FHIT: variants seen among roughly 807,000 people sequenced by gnomAD.
FHIT encodes fragile histidine triad diadenosine triphosphatase.
FHIT carries 19 observed loss-of-function variants against 17.9 expected under a neutral mutation model. The observed-to-expected ratio is 1.06, with a 90% CI of 0.74 to 1.56. FHIT has a LOEUF of 1.56. Ranked by LOEUF, FHIT falls within the 40% of genes most tolerant of loss-of-function variation. FHIT has a pLI of 0.00. For synonymous variants in FHIT, 81 were observed against 69.7 expected, an observed-to-expected ratio of 1.16 and a Z score of -0.81; for missense variants, 248 against 189.2, an observed-to-expected ratio of 1.31 and a Z score of -1.82.
chr3:61,001,594 A>G (rs895732079), intron 3 of FHIT, among the ~76,000 whole-genome samples: 2 of 152,256 alleles, frequency 1.3e-5, no homozygotes, highest in African/African-American at 4.8e-5. Flanking sequence ...TATAGCATTC[A>G]TGAAATATGA....
intron 5 of FHIT, among the ~76,000 whole-genome samples, chr3:60,047,234 T>C (rs1701690228): frequency 6.6e-6 from 1 of 152,230 alleles, no homozygotes; most frequent in Admixed American, 6.5e-5. Context: ...AAATTAAAGA[T>C]ATGATAGAAT....
chr3:60,442,536 T>C (rs1420584017), intron 5 of FHIT, among the ~76,000 whole-genome samples: 1 of 152,206 alleles, frequency 6.6e-6, no homozygotes, highest in Non-Finnish European at 1.5e-5. Flanking sequence ...GGGAATCCTT[T>C]CCCCATTTCT....
intron 2 of FHIT, among the ~76,000 whole-genome samples, chr3:61,130,652 A>T (rs192075684): frequency 6.6e-6 from 1 of 152,246 alleles, no homozygotes; most frequent in Non-Finnish European, 1.5e-5. Flanking sequence ...CGAACACAGG[A>T]GCATGCCACA....
At chr3:60,795,237 T>A (rs909067231) in intron 4 of FHIT, among the ~76,000 whole-genome samples, 1 of 152,226 alleles carries the variant, frequency 6.6e-6, no homozygotes, top group South Asian at 2.1e-4. Flanking sequence ...TTTTCATTTT[T>A]AAATAGAATT....
chr3:60,361,565 T>C (rs369708253), intron 5 of FHIT, among the ~76,000 whole-genome samples: 2 of 152,162 alleles, frequency 1.3e-5, no homozygotes, highest in Admixed American at 6.6e-5. Context: ...GAAGATGCAA[T>C]GGCAACAGGT....
At chr3:60,598,635 C>T (rs533931734) in intron 4 of FHIT, among the ~76,000 whole-genome samples, 54 of 152,272 alleles carry the variant, frequency 3.5e-4, no homozygotes, top group African/African-American at 1.3e-3. Flanking sequence ...TAAACATCCT[C>T]GCATATTATC....
chr3:61,246,958 C>A (rs1339521646), intron 1 of FHIT, among the ~76,000 whole-genome samples: 10 of 152,064 alleles, frequency 6.6e-5, no homozygotes, highest in African/African-American at 2.2e-4. Flanking sequence ...GATTTTCATA[C>A]CCTAAGCACA....
At chr3:60,332,455 G>A (rs780078027) in intron 5 of FHIT, among the ~76,000 whole-genome samples, 4 of 152,180 alleles carry the variant, frequency 2.6e-5, no homozygotes, top group African/African-American at 4.8e-5. Flanking sequence ...GATTATGAAT[G>A]AAGAACGAGC....
intron 4 of FHIT, among the ~76,000 whole-genome samples, chr3:60,665,471 C>T (rs1435635111): frequency 6.6e-6 from 1 of 151,946 alleles, no homozygotes; most frequent in Non-Finnish European, 1.5e-5. Flanking sequence ...TTGGTATGTA[C>T]ATAAGATCAT....
intron 5 of FHIT, among the ~76,000 whole-genome samples, chr3:60,422,088 G>GCTGT (rs1176044281): frequency 6.6e-6 from 1 of 152,126 alleles, no homozygotes; most frequent in East Asian, 1.9e-4. Context: ...TTTCTGACCA[G>GCTGT]CTGTCAATTT....
At chr3:59,856,322 T>C (rs559070534) in intron 8 of FHIT, among the ~76,000 whole-genome samples, 1 of 152,094 alleles carries the variant, frequency 6.6e-6, no homozygotes, top group Non-Finnish European at 1.5e-5. Flanking sequence ...ATTGTTAAAA[T>C]TTTTTTTGCA....
chr3:60,895,638 T>C (rs1705751256), intron 3 of FHIT, among the ~76,000 whole-genome samples: 1 of 151,662 alleles, frequency 6.6e-6, no homozygotes, highest in African/African-American at 2.4e-5. Flanking sequence ...TCTCCCTTCT[T>C]TCCTTCCTTT....
At chr3:60,281,352 G>C (rs1365716425) in intron 5 of FHIT, among the ~76,000 whole-genome samples, 1 of 152,120 alleles carries the variant, frequency 6.6e-6, no homozygotes, top group Non-Finnish European at 1.5e-5. Flanking sequence ...AAAGTTCATA[G>C]AGAAGGGCTC....
chr3:60,448,645 C>T (rs1031425718), intron 5 of FHIT, among the ~76,000 whole-genome samples: 6 of 152,104 alleles, frequency 3.9e-5, no homozygotes, highest in Middle Eastern at 3.2e-3. Context: ...AGCTCTTAAC[C>T]GCATTGCTTT....
rs577604343 is a variant in FHIT, at chr3:60,902,963, C to G, written c.-110-80952G>C. Among the ~76,000 whole-genome samples the G allele has an allele frequency of 7.9e-5, 12 of 152,226 alleles. No homozygotes were observed. In the South Asian group the frequency reaches 2.5e-3, roughly 32 times the overall value. On this transcript the variant is annotated intron_variant, in intron 3 of 9. Transcript: ENST00000492590. ...AAAAATGGTTTTGACATCAGACACC[C>G]CAACTTTACCACTTACTACTTCCTA...
chr3:61,123,198 G>T (rs2036509823), intron 2 of FHIT, among the ~76,000 whole-genome samples: 1 of 152,136 alleles, frequency 6.6e-6, no homozygotes. Context: ...TATGTCCTTT[G>T]CAGGGACATG....
intron 5 of FHIT, among the ~76,000 whole-genome samples, chr3:60,077,160 A>G (rs1412792593): frequency 2.0e-5 from 3 of 152,098 alleles, no homozygotes; most frequent in Non-Finnish European, 4.4e-5. Flanking sequence ...AGTATATTTC[A>G]GGCAGAAAGA....
intron 4 of FHIT, among the ~76,000 whole-genome samples, chr3:60,669,122 T>C (rs1468786082): frequency 1.3e-5 from 2 of 151,228 alleles, no homozygotes; most frequent in African/African-American, 2.5e-5. Flanking sequence ...TACAGTGCCT[T>C]GAACAAAGCA....
intron 4 of FHIT, among the ~76,000 whole-genome samples, chr3:60,725,468 T>C (rs1050141672): frequency 2.6e-5 from 4 of 152,144 alleles, no homozygotes; most frequent in African/African-American, 9.7e-5. Context: ...TTGTATACAG[T>C]GTGAGGTAGG....
Sources: allele counts gnomAD v4.1 joint callset (sites outside exome capture counted in the v4.1 genomes callset), GRCh38; gene constraint gnomAD v4.1.1; transcripts MANE v1.5; gene names NCBI Gene and HGNC (gene_info 2026-07-23, HGNC 2026-07-21).